The following STPG2 variants were observed in gnomAD, a reference collection of about 807,000 sequenced individuals.
STPG2 encodes the protein sperm-tail PG-rich repeat-containing protein 2.
In STPG2, 56 loss-of-function variants were observed where a neutral mutation model predicts 54.2. The ratio of observed to expected loss-of-function variants is 1.03; its 90% CI spans 0.83 to 1.29. The LOEUF (loss-of-function observed/expected upper bound fraction) is 1.29, where lower values mean the gene tolerates loss of function less well. Ranked by LOEUF, STPG2 falls within the 50% of genes most tolerant of loss-of-function variation. STPG2 has a pLI of 0.00. For missense variants in STPG2, 596 were observed against 544.9 expected (o/e 1.09, Z -0.93); for synonymous variants, 200 against 181.8 (o/e 1.10, Z -0.81).
At chr4:97,952,606 G>A (rs1490626516) in intron 7 of STPG2, among the ~76,000 whole-genome samples, 1 of 152,108 alleles carries the variant, frequency 6.6e-6, no homozygotes, top group Non-Finnish European at 1.5e-5. Context: ...AGTCTGCAAG[G>A]GATCCACTGA....
chr4:97,660,250 C>T (rs1429165881), intron 10 of STPG2, among the ~76,000 whole-genome samples: 2 of 152,222 alleles, frequency 1.3e-5, no homozygotes, highest in Non-Finnish European at 2.9e-5. Flanking sequence ...ATCCGCCCGC[C>T]TCGGCTTCCC....
At chr4:98,004,447 C>T (rs1037514636) in intron 5 of STPG2, among the ~76,000 whole-genome samples, 2 of 152,134 alleles carry the variant, frequency 1.3e-5, no homozygotes, top group African/African-American at 4.8e-5. Context: ...TTGCAATGAA[C>T]ATGGGAGTAC....
chr4:97,539,163 T>G (rs796613819), intron 4 of STPG2, among the ~76,000 whole-genome samples: 1 of 151,198 alleles, frequency 6.6e-6, no homozygotes, highest in East Asian at 1.9e-4. Context: ...GCTAACATCA[T>G]AATGACAGGA....
chr4:97,623,598 C>T (rs1054521596), intron 10 of STPG2, among the ~76,000 whole-genome samples: 23 of 151,918 alleles, frequency 1.5e-4, no homozygotes, highest in African/African-American at 7.3e-5. Context: ...AAATAACCAG[C>T]GCTGGAGAGG....
chr4:97,840,083 T>C (rs979171663), intron 9 of STPG2, among the ~76,000 whole-genome samples: 4 of 151,556 alleles, frequency 2.6e-5, no homozygotes, highest in African/African-American at 7.3e-5. Flanking sequence ...GCTAAGACCA[T>C]CCAAATTTTA....
intron 9 of STPG2, among the ~76,000 whole-genome samples, chr4:97,839,240 T>C (rs112217219): frequency 0.023 from 3,454 of 151,708 alleles, 82 homozygotes; most frequent in African/African-American, 0.065. Flanking sequence ...TTTTGTATTC[T>C]CATGAGGCAA....
intron 8 of STPG2, among the ~76,000 whole-genome samples, chr4:97,881,842 G>C (rs1446734385): frequency 6.6e-6 from 1 of 152,048 alleles, no homozygotes; most frequent in Non-Finnish European, 1.5e-5. Flanking sequence ...TTCACCCTTG[G>C]TTAGTCAGAC....
chr4:97,517,439 G>T (rs1731098414), intron 4 of STPG2, among the ~76,000 whole-genome samples: 1 of 152,102 alleles, frequency 6.6e-6, no homozygotes, highest in African/African-American at 2.4e-5. Context: ...TGATCTAACA[G>T]AGCTGCCTGG....
intron 5 of STPG2, among the ~76,000 whole-genome samples, chr4:98,070,840 C>T (rs1578830462): frequency 6.6e-6 from 1 of 151,996 alleles, no homozygotes; most frequent in African/African-American, 2.4e-5. Flanking sequence ...AACTACAAAC[C>T]ACTGCTTAAG....
intron 8 of STPG2, among the ~76,000 whole-genome samples, chr4:97,911,676 A>G (rs1241301699): frequency 2.0e-5 from 3 of 152,198 alleles, no homozygotes; most frequent in South Asian, 2.1e-4. Flanking sequence ...TTTACCAGAC[A>G]GAACTCTGAT....
chr4:97,732,196 T>C (rs562170372), intron 9 of STPG2, among the ~76,000 whole-genome samples: 1 of 152,254 alleles, frequency 6.6e-6, no homozygotes, highest in South Asian at 2.1e-4. Flanking sequence ...ATTCACAAAA[T>C]CTTCTGGGCT....
chr4:97,845,561 T>C (rs1425068771), intron 8 of STPG2, among the ~76,000 whole-genome samples: 1 of 152,196 alleles, frequency 6.6e-6, no homozygotes, highest in Non-Finnish European at 1.5e-5. Flanking sequence ...TCTGGTTAAT[T>C]AAACATTTTA....
intron 4 of STPG2, among the ~76,000 whole-genome samples, chr4:97,537,563 G>A (rs1380142047): frequency 6.6e-6 from 1 of 152,150 alleles, no homozygotes; most frequent in Non-Finnish European, 1.5e-5. Context: ...AAACTGGGTG[G>A]AGCCCACCTC....
chr4:97,897,562 G>A (rs1167680670), intron 8 of STPG2, among the ~76,000 whole-genome samples: 1 of 152,076 alleles, frequency 6.6e-6, no homozygotes, highest in African/African-American at 2.4e-5. Flanking sequence ...AACCTTGTCA[G>A]CATCTGTTAT....
intron 5 of STPG2, among the ~76,000 whole-genome samples, chr4:98,048,189 G>T (rs1209093829): frequency 1.3e-5 from 2 of 152,052 alleles, no homozygotes; most frequent in Non-Finnish European, 2.9e-5. Context: ...AAAGGATGAA[G>T]CAATGTATTA....
rs564831443 is a variant in STPG2, at chr4:98,127,589, C to A, written c.387+839G>T. 1.4e-4 allele frequency among the ~76,000 whole-genome samples: 22 copies of A among 152,316 alleles called. No homozygotes were observed. In the South Asian group the frequency reaches 3.3e-3, roughly 23 times the overall value. The stretch of plus-strand genomic sequence containing the variant: ...TTTAGAATTTTCCTCACTAGAATTA[C>A]TTCTTCTACATCTCATTAAAGCACA... On this transcript the variant is annotated intron_variant, in intron 3 of 10. Transcript: ENST00000295268.
chr4:97,863,600 A>T (rs1729646170), intron 8 of STPG2, among the ~76,000 whole-genome samples: 1 of 152,204 alleles, frequency 6.6e-6, no homozygotes. Context: ...TCATTTTATG[A>T]GGCCAGCATC....
chr4:98,108,281 G>A (rs1412502879), intron 4 of STPG2, among the ~76,000 whole-genome samples: 3 of 151,902 alleles, frequency 2.0e-5, no homozygotes, highest in Non-Finnish European at 4.4e-5. Context: ...GGGCTTCTTG[G>A]GAGAAAATTT....
chr4:97,655,282 C>A (rs1053103915), intron 10 of STPG2, among the ~76,000 whole-genome samples: 1 of 152,146 alleles, frequency 6.6e-6, no homozygotes, highest in Admixed American at 6.6e-5. Flanking sequence ...TCTGATAGTA[C>A]TACCTCGTGA....
Sources: gnomAD v4.1 joint callset for allele counts (sites outside exome capture counted in the v4.1 genomes callset) on GRCh38, gnomAD v4.1.1 for gene constraint, MANE v1.5 for transcripts, NCBI Gene and HGNC (gene_info 2026-07-23, HGNC 2026-07-21) for gene names.